Variants in C18orf32 observed in about 807,000 individuals in gnomAD.
C18orf32 encodes chromosome 18 open reading frame 32.
C18orf32 carries 5 observed loss-of-function variants against 7.4 expected under a neutral mutation model. The ratio of observed to expected loss-of-function variants is 0.68; its 90% CI spans 0.35 to 1.42. The LOEUF is 1.42. Ranked by LOEUF, C18orf32 falls within the 40% of genes most tolerant of loss-of-function variation. The pLI, the probability that C18orf32 is intolerant of heterozygous loss-of-function variation, is 0.04. For synonymous variants in C18orf32, 30 were observed against 29.3 expected (o/e 1.02, Z -0.08); for missense variants, 88 against 92.4 (o/e 0.95, Z 0.19).
chr18:49,486,394 T>C (rs907679748), intron 1 of C18orf32: 2 of 152,186 alleles, frequency 1.3e-5, no homozygotes, highest in Non-Finnish European at 2.9e-5. Flanking sequence ...CAGTACGATG[T>C]ACATAAACTC....
Position 49,481,765 on chromosome 18 carries a change from G to C in C18orf32, c.*580C>G, listed in dbSNP as rs2083664634. On this transcript the variant is annotated 3_prime_UTR_variant, in exon 3 of 3. Coordinates refer to ENST00000318240, the MANE Select transcript of C18orf32 (RefSeq NM_001035005.4). ...TGTAACAGATGTTTCATTTTTCAAA[G>C]AAGTTTCCCCCTTTTCCCTATCTTT... 6.6e-6 allele frequency: 1 copy of C among 152,140 alleles called. No individual in the cohort carries two copies. The highest frequency in any genetic ancestry group is 2.4e-5 in the African/African-American group (1 of 41,416). The allele number at this position is 152,140 out of a possible 1,614,324, so 9.4% of individuals were successfully genotyped here.
rs1218797932 is a variant in C18orf32 at position 49,477,929 on chromosome 18, C to CTATATATATATATA, written c.*4402_*4415dup. 7.4e-6 allele frequency: 1 copy of CTATATATATATATA among 135,524 alleles called. No homozygotes were observed. The highest frequency in any genetic ancestry group is 2.2e-4 in the South Asian group (1 of 4,536). The allele number at this position is 135,524 out of a possible 1,614,324, so 8.4% of individuals were successfully genotyped here. A position where few individuals can be genotyped will look rare whatever the true frequency, so the allele number is the denominator to read the frequency against. ...TATATACACTATATATATATACACA[C>CTATATATATATATA]TATATATATATATACACTATATATA... On this transcript the variant is annotated 3_prime_UTR_variant, in exon 3 of 3. Transcript: ENST00000318240.
At position 49,483,735 on chromosome 18, in the gene C18orf32, G is replaced by T. The variant is rs2083695970; in HGVS notation, c.14C>A (p.Pro5His). 9 of 1,610,372 alleles carry T rather than the reference G, an allele frequency of 5.6e-6. No homozygotes were observed. Among genetic ancestry groups the T allele is most frequent in the Non-Finnish European group, 6.8e-6 (8 of 1,179,330 alleles). The change falls in exon 2 of 3, where the codon CCT becomes CAT. Residue 5 changes from proline (P) to histidine (H), a missense_variant. By Grantham distance (77) the Pro-to-His change is moderately conservative. Coordinates refer to ENST00000318240, the MANE Select transcript of C18orf32 (RefSeq NM_001035005.4). MVCI[P>H]CIVIPVLLWI... ...GAGCAGAACTGGAATGACGATACAA[G>T]GAATGCACACCATTTTCCCAAGCTT...
At position 49,481,919 on chromosome 18, in the gene C18orf32, T is replaced by C. The variant is rs2083666352; in HGVS notation, c.*426A>G. 1 of 165,716 alleles carries C rather than the reference T, an allele frequency of 6.0e-6. No homozygotes were observed. The highest frequency in any genetic ancestry group is 6.3e-5 in the Admixed American group (1 of 15,886). 10.3% of individuals were successfully genotyped at this position (165,716 alleles called of 1,614,324 possible). Reference sequence around the variant, plus strand: ...ATTACCTCCCAAAATTCTACCTTCATTTCCCTGCACAGTTTCACTGGACTG... The same window carrying C: ...ATTACCTCCCAAAATTCTACCTTCACTTCCCTGCACAGTTTCACTGGACTG... On this transcript the variant is annotated 3_prime_UTR_variant, in exon 3 of 3. Transcript: ENST00000318240.
chr18:49,483,261 G>GA (rs1568495217), intron 2 of C18orf32, among the ~76,000 whole-genome samples: 1 of 149,216 alleles, frequency 6.7e-6, no homozygotes, highest in Non-Finnish European at 1.5e-5. Flanking sequence ...TAAAAAAATT[G>GA]TTTTTTTTTT....
At chr18:49,485,754 T>C (rs552924295) in intron 1 of C18orf32, among the ~76,000 whole-genome samples, 89 of 151,992 alleles carry the variant, frequency 5.9e-4, no homozygotes, top group Admixed American at 2.0e-3. Flanking sequence ...CCTGAGTAGG[T>C]AGGACCACAG....
At position 49,482,066 on chromosome 18, in the gene C18orf32, T is replaced by C; in HGVS notation, c.*279A>G. On this transcript the variant is annotated 3_prime_UTR_variant, in exon 3 of 3. Transcript: ENST00000318240. Reference sequence around the variant, plus strand: ...AGTGCTGATTTAGTAACATAATGTCTACTGGCACAAACCTTCTATTTAATC... The same window carrying C: ...AGTGCTGATTTAGTAACATAATGTCCACTGGCACAAACCTTCTATTTAATC... 5.8e-6 allele frequency: 2 copies of C among 342,200 alleles called. No individual in the cohort carries two copies. The highest frequency in any genetic ancestry group is 6.8e-5 in the South Asian group (2 of 29,384). 21.2% of individuals were successfully genotyped at this position (342,200 alleles called of 1,614,324 possible).
rs1214758956 is a variant in C18orf32, at chr18:49,479,864, C to G, written c.*2481G>C. 6.6e-6 allele frequency: 1 copy of G among 152,472 alleles called. No individual in the cohort carries two copies. The highest frequency in any genetic ancestry group is 1.5e-5 in the Non-Finnish European group (1 of 68,328). 9.4% of individuals were successfully genotyped at this position (152,472 alleles called of 1,614,324 possible). On this transcript the variant is annotated 3_prime_UTR_variant, in exon 3 of 3. Coordinates refer to ENST00000318240, the MANE Select transcript of C18orf32 (RefSeq NM_001035005.4). ...GAAAGCAGGATGAGGGGAGCAGAGA[C>G]TTGGGAGGGGCAAATGAAAGACACC...
rs148432146 is a variant in C18orf32, at chr18:49,482,366, G to A, written c.210C>T (p.Ile70=). 404 of 1,612,682 alleles carry A rather than the reference G, an allele frequency of 2.5e-4. No homozygotes were observed. In the African/African-American group the frequency reaches 4.9e-3, roughly 19 times the overall value. Residue 70 remains isoleucine, a synonymous_variant, in exon 3 of 3, where the codon ATC becomes ATT. Transcript: ENST00000318240. Reference sequence around the variant, plus strand: ...TTCTTTAGTCTTTCTTTTTATCACAGATTTCTGTTGGTCCTTTTGTTGGTA... The same window carrying A: ...TTCTTTAGTCTTTCTTTTTATCACAAATTTCTGTTGGTCCTTTTGTTGGTA... ...NGLPTKGPTE[I]CDKKKD
At chr18:49,483,482 T>C in intron 2 of C18orf32, 102 bp downstream of exon 2, 1 of 1,373,482 alleles carries the variant, frequency 7.3e-7, no homozygotes. Context: ...ACACAAACTA[T>C]TGAAGCTTCT....
rs960492487 is a variant in C18orf32 at position 49,487,148 on chromosome 18, G to C, written c.-129C>G. 1 of 152,540 alleles carries C rather than the reference G, an allele frequency of 6.6e-6. No homozygotes were observed. The highest frequency in any genetic ancestry group is 2.4e-5 in the African/African-American group (1 of 41,452). The allele number at this position is 152,540 out of a possible 1,614,324, so 9.4% of individuals were successfully genotyped here. A position where few individuals can be genotyped will look rare whatever the true frequency, so the allele number is the denominator to read the frequency against. ...CTAGGACTCTGCGAGCGCGGCCCGG[G>C]CTGGGCCTGCGGAGCAGCTACAAAG... On this transcript the variant is annotated 5_prime_UTR_variant, in exon 1 of 3. Coordinates refer to ENST00000318240, the MANE Select transcript of C18orf32 (RefSeq NM_001035005.4).
Position 49,477,819 on chromosome 18 carries a change from C to CGCACTA in C18orf32, c.*4525_*4526insTAGTGC, listed in dbSNP as rs1555768273. On this transcript the variant is annotated 3_prime_UTR_variant, in exon 3 of 3. Coordinates refer to ENST00000318240, the MANE Select transcript of C18orf32 (RefSeq NM_001035005.4). The stretch of plus-strand genomic sequence containing the variant: ...ACAAAAATATATATATATACACACA[C>CGCACTA]TATATATATATACACATATATATAT... 3 of 97,794 alleles carry CGCACTA rather than the reference C, an allele frequency of 3.1e-5. 1 individual carries two copies. The highest frequency in any genetic ancestry group is 1.3e-4 in the African/African-American group (3 of 22,832). 6.1% of individuals were successfully genotyped at this position (97,794 alleles called of 1,614,324 possible). A position where few individuals can be genotyped will look rare whatever the true frequency, so the allele number is the denominator to read the frequency against.
At position 49,480,650 on chromosome 18, in the gene C18orf32, A is replaced by G. The variant is rs1368870467; in HGVS notation, c.*1695T>C. ...GCTGGGCATGGTGGTGTGCACCTGT[A>G]GTCCCAGCTACTTGAGAGGCTAAGG... On this transcript the variant is annotated 3_prime_UTR_variant, in exon 3 of 3. Coordinates refer to ENST00000318240, the MANE Select transcript of C18orf32 (RefSeq NM_001035005.4). 4 of 152,262 alleles carry G rather than the reference A, an allele frequency of 2.6e-5. No individual in the cohort carries two copies. Among genetic ancestry groups the G allele is most frequent in the African/African-American group, 7.2e-5 (3 of 41,430 alleles). The allele number at this position is 152,262 out of a possible 1,614,324, so 9.4% of individuals were successfully genotyped here.
Position 49,482,317 on chromosome 18 carries a change from A to C in C18orf32, c.*28T>G. On this transcript the variant is annotated 3_prime_UTR_variant, in exon 3 of 3. Coordinates refer to ENST00000318240, the MANE Select transcript of C18orf32 (RefSeq NM_001035005.4). Reference sequence around the variant, plus strand: ...TTCATATTATCAGGTCCATTTTTTAAATGATGGGGTCCTTTAGGAAAATTT... The same window carrying C: ...TTCATATTATCAGGTCCATTTTTTACATGATGGGGTCCTTTAGGAAAATTT... 1 of 1,545,180 alleles carries C rather than the reference A, an allele frequency of 6.5e-7. No homozygotes were observed. The highest frequency in any genetic ancestry group is 8.9e-7 in the Non-Finnish European group (1 of 1,119,580).
rs2099305467 is a variant in C18orf32, at chr18:49,480,349, T to A, written c.*1996A>T. 1.3e-5 allele frequency: 2 copies of A among 151,622 alleles called. No individual in the cohort carries two copies. The highest frequency in any genetic ancestry group is 1.3e-4 in the Admixed American group (2 of 15,220). 9.4% of individuals were successfully genotyped at this position (151,622 alleles called of 1,614,324 possible). The stretch of plus-strand genomic sequence containing the variant: ...TAAAATGTTTATATTTTTATATTTT[T>A]ATAATTTATTTATAAATATGGAGAT... On this transcript the variant is annotated 3_prime_UTR_variant, in exon 3 of 3. Coordinates refer to ENST00000318240, the MANE Select transcript of C18orf32 (RefSeq NM_001035005.4).
intron 2 of C18orf32, 57 bp from the exon 3 acceptor site, chr18:49,482,467 G>A (rs962120638): frequency 7.9e-7 from 1 of 1,260,934 alleles, no homozygotes. Context: ...GGTGGCTTAT[G>A]CCTGTAATCC....
chr18:49,482,368 T>C lies in C18orf32; in HGVS notation c.208A>G (p.Ile70Val). The C allele has an allele frequency of 1.9e-6, 3 of 1,613,030 alleles. No individual in the cohort carries two copies. The South Asian group carries it at 3.3e-5, about 18-fold the overall frequency. ...CTTTAGTCTTTCTTTTTATCACAGA[T>C]TTCTGTTGGTCCTTTTGTTGGTAAT... ...NGLPTKGPTE[I>V]CDKKKD is the part of the protein sequence containing the mutation. Residue 70 changes from isoleucine (I) to valine (V), a missense_variant, in exon 3 of 3, where the codon ATC becomes GTC. Physicochemically the swap from Ile to Val is conservative, Grantham distance 29 (BLOSUM62 3). Transcript: ENST00000318240.
chr18:49,483,833 C>A, intron 1 of C18orf32, 62 bp from the exon 2 acceptor site: 1 of 1,550,794 alleles, frequency 6.4e-7, no homozygotes, highest in South Asian at 1.2e-5. Flanking sequence ...AAGAATTTAC[C>A]AAGATTAAGA....
chr18:49,482,524 C>A, intron 2 of C18orf32, 114 bp from the exon 3 acceptor site: 1 of 676,270 alleles, frequency 1.5e-6, no homozygotes, highest in Non-Finnish European at 2.6e-6. Context: ...GTCAGAAGAT[C>A]GAGACCATCC....
Sources: allele counts gnomAD v4.1 joint callset (sites outside exome capture counted in the v4.1 genomes callset), GRCh38; gene constraint gnomAD v4.1.1; transcripts MANE v1.5; gene names NCBI Gene and HGNC (gene_info 2026-07-23, HGNC 2026-07-21).